The following ANO1 variants were observed in gnomAD, a reference collection of about 807,000 sequenced individuals.
ANO1 encodes the protein anoctamin-1.
In ANO1, 59 loss-of-function variants were observed where a neutral mutation model predicts 124.0. That is an observed-to-expected ratio of 0.48 (90% CI 0.39 to 0.59). The LOEUF (loss-of-function observed/expected upper bound fraction) is 0.59. ANO1 is among the 20% of genes least tolerant of loss of function. ANO1 has a pLI of 0.00. For synonymous variants in ANO1, 529 were observed against 532.0 expected, an observed-to-expected ratio of 0.99 and a Z score of 0.08; for missense variants, 1,059 against 1,328.0, an observed-to-expected ratio of 0.80 and a Z score of 3.15.
intron 1 of ANO1, among the ~76,000 whole-genome samples, chr11:70,033,290 G>A (rs1555004021): frequency 6.6e-6 from 1 of 152,142 alleles, no homozygotes; most frequent in East Asian, 1.9e-4. Flanking sequence ...GCGCAGGTGG[G>A]ACTGGACCCA....
chr11:70,080,582 C>T (rs1213207285), intron 1 of ANO1, among the ~76,000 whole-genome samples: 2 of 152,040 alleles, frequency 1.3e-5, no homozygotes, highest in Admixed American at 6.5e-5. Flanking sequence ...CATGAATAGC[C>T]CCCGGTCTCT....
At chr11:70,087,464 C>G (rs998635831) in intron 1 of ANO1, among the ~76,000 whole-genome samples, 1 of 152,184 alleles carries the variant, frequency 6.6e-6, no homozygotes, top group Non-Finnish European at 1.5e-5. Context: ...TGCTCTAGTT[C>G]CATAGACCAG....
chr11:70,005,235 A>C (rs1856465506), intron 1 of ANO1, among the ~76,000 whole-genome samples: 1 of 152,040 alleles, frequency 6.6e-6, no homozygotes, highest in Non-Finnish European at 1.5e-5. Flanking sequence ...GTTCTCATTT[A>C]CTCCACCCAA....
At chr11:70,150,360 A>G (rs1278211533) in intron 12 of ANO1, among the ~76,000 whole-genome samples, 2 of 152,202 alleles carry the variant, frequency 1.3e-5, no homozygotes, top group Non-Finnish European at 2.9e-5. Context: ...AGCCCCTGGG[A>G]TGCCAGGTGA....
chr11:70,040,739 A>T (rs1203014286), intron 1 of ANO1, among the ~76,000 whole-genome samples: 4 of 152,320 alleles, frequency 2.6e-5, no homozygotes, highest in African/African-American at 9.6e-5. Context: ...AAGGACACTG[A>T]CTGCTGCAGC....
intron 8 of ANO1, among the ~76,000 whole-genome samples, chr11:70,117,796 GTTC>G (rs1347744911): frequency 6.6e-6 from 1 of 152,176 alleles, no homozygotes; most frequent in Non-Finnish European, 1.5e-5. Flanking sequence ...TGTATGGAAT[GTTC>G]TTCATTTCAG....
chr11:70,128,473 G>C (rs2046613230), intron 10 of ANO1, among the ~76,000 whole-genome samples: 2 of 152,250 alleles, frequency 1.3e-5, no homozygotes, highest in Admixed American at 6.5e-5. Context: ...GGTGGCCCCA[G>C]CAGGGAGGCT....
intron 1 of ANO1, among the ~76,000 whole-genome samples, chr11:70,017,985 C>T (rs1555002202): frequency 1.3e-5 from 2 of 152,166 alleles, no homozygotes; most frequent in African/African-American, 4.8e-5. Context: ...TCAGCTTCCC[C>T]AACCATCCAT....
intron 1 of ANO1, among the ~76,000 whole-genome samples, chr11:70,059,435 G>A (rs1020855067): frequency 5.9e-5 from 9 of 152,006 alleles, no homozygotes; most frequent in Non-Finnish European, 1.0e-4. Flanking sequence ...CTGTTAGAAG[G>A]GAAGGGATGA....
intron 1 of ANO1, chr11:70,015,171 A>AT (rs1425554099): frequency 6.6e-6 from 1 of 152,068 alleles, no homozygotes; most frequent in East Asian, 1.9e-4. Flanking sequence ...TCATGGAGCC[A>AT]TTTTGGGCGT....
At position 70,136,979 on chromosome 11, in the gene ANO1, G is replaced by A. The variant is rs2046978203; in HGVS notation, c.1258+4900G>A. 2.7e-5 allele frequency among the ~76,000 whole-genome samples: 4 copies of A among 147,056 alleles called. 2 individuals carry two copies. In the Admixed American group the frequency reaches 2.9e-4, roughly 11 times the overall value. ...AGGGAGGGGGTGAGCGCCCCGTGCT[G>A]GGAAGCATTCAAGCTGAGGTTGGAG... is the stretch of plus-strand genomic sequence containing the variant. On this transcript the variant is annotated intron_variant, in intron 11 of 25. Transcript: ENST00000355303.
At chr11:70,073,459 C>G (rs1252300965), upstream of ANO1, among the ~76,000 whole-genome samples, 2 of 152,164 alleles carry the variant, frequency 1.3e-5, no homozygotes, top group Non-Finnish European at 2.9e-5. Context: ...GGTGCTGGCT[C>G]ATAGTAAGCG....
chr11:70,055,687 TG>T (rs1857422201), intron 1 of ANO1, among the ~76,000 whole-genome samples: 2 of 152,256 alleles, frequency 1.3e-5, no homozygotes, highest in African/African-American at 4.8e-5. Flanking sequence ...GATATATGTC[TG>T]GGTTTACAAC....
chr11:70,150,668 G>A (rs1013350259), intron 12 of ANO1, among the ~76,000 whole-genome samples: 1 of 152,008 alleles, frequency 6.6e-6, no homozygotes, highest in Admixed American at 6.5e-5. Context: ...CCAAGTAGCT[G>A]GGGCTACAGA....
chr11:70,187,378 C>A (rs1565292459), intron 25 of ANO1, among the ~76,000 whole-genome samples: 1 of 152,194 alleles, frequency 6.6e-6, no homozygotes, highest in Non-Finnish European at 1.5e-5. Context: ...AAGTTTGATC[C>A]ATTTGTGGCT....
intron 20 of ANO1, among the ~76,000 whole-genome samples, chr11:70,166,313 G>A (rs1041054048): frequency 4.6e-5 from 7 of 152,082 alleles, no homozygotes; most frequent in Admixed American, 1.3e-4. Flanking sequence ...CCGAGACTCC[G>A]TCTCAAAAAA....
At chr11:70,042,539 T>C (rs1375081649) in intron 1 of ANO1, among the ~76,000 whole-genome samples, 3 of 117,176 alleles carry the variant, frequency 2.6e-5, no homozygotes, top group Non-Finnish European at 5.5e-5. Context: ...GAGAGAGAGA[T>C]TGAGAGATTG....
At chr11:70,051,416 G>T (rs7480904) in intron 1 of ANO1, among the ~76,000 whole-genome samples, 1 of 152,204 alleles carries the variant, frequency 6.6e-6, no homozygotes, top group African/African-American at 2.4e-5. Context: ...AAATTTCAGG[G>T]TCGTAAGACA....
intron 1 of ANO1, among the ~76,000 whole-genome samples, chr11:70,035,520 C>CTATA (rs34200982): frequency 0.053 from 7,843 of 147,636 alleles, 289 homozygotes; most frequent in East Asian, 0.12. Context: ...TAAGCTGTTG[C>CTATA]TATATATATA....
Sources: gnomAD v4.1 joint callset for allele counts (sites outside exome capture counted in the v4.1 genomes callset) on GRCh38, gnomAD v4.1.1 for gene constraint, MANE v1.5 for transcripts, NCBI Gene and HGNC (gene_info 2026-07-23, HGNC 2026-07-21) for gene names.